The following RBMS3 variants were observed in gnomAD, a reference collection of about 807,000 sequenced individuals.
RBMS3 encodes the protein RNA-binding motif, single-stranded-interacting protein 3.
In RBMS3, 27 loss-of-function variants were observed where a neutral mutation model predicts 66.8. The observed-to-expected ratio is 0.40, with a 90% CI of 0.30 to 0.56. RBMS3 has a LOEUF of 0.56. RBMS3 is among the 20% of genes least tolerant of loss of function. RBMS3 has a pLI of 0.40. For synonymous variants in RBMS3, 188 were observed against 183.0 expected (o/e 1.03, Z -0.22); for missense variants, 513 against 549.5 (o/e 0.93, Z 0.66).
chr3:29,962,560 A>G (rs1696548249), intron 12 of RBMS3, among the ~76,000 whole-genome samples: 2 of 150,332 alleles, frequency 1.3e-5, no homozygotes, highest in South Asian at 4.2e-4. Context: ...TCATATATAT[A>G]TATATATAAT....
At chr3:29,594,691 T>C (rs1259833145) in intron 4 of RBMS3, among the ~76,000 whole-genome samples, 1 of 152,238 alleles carries the variant, frequency 6.6e-6, no homozygotes, top group Non-Finnish European at 1.5e-5. Flanking sequence ...TTTGTGAATA[T>C]CTGCTTTGTT....
intron 1 of RBMS3, among the ~76,000 whole-genome samples, chr3:29,306,075 T>G (rs1235087856): frequency 3.3e-5 from 5 of 151,962 alleles, no homozygotes; most frequent in Non-Finnish European, 5.9e-5. Context: ...ATCTTTTCTT[T>G]TAGACCTTTA....
intron 3 of RBMS3, among the ~76,000 whole-genome samples, chr3:29,539,960 TATC>T (rs1477256484): frequency 6.6e-6 from 1 of 152,224 alleles, no homozygotes; most frequent in Non-Finnish European, 1.5e-5. Flanking sequence ...TAGCAATACT[TATC>T]ATTCAAACAC....
chr3:29,357,123 T>C (rs2037269155), intron 1 of RBMS3, among the ~76,000 whole-genome samples: 1 of 152,156 alleles, frequency 6.6e-6, no homozygotes, highest in Non-Finnish European at 1.5e-5. Flanking sequence ...TATGTATACA[T>C]GTGACATGTT....
intron 6 of RBMS3, among the ~76,000 whole-genome samples, chr3:29,842,025 C>G (rs1042873005): frequency 6.6e-6 from 1 of 152,082 alleles, no homozygotes; most frequent in African/African-American, 2.4e-5. Flanking sequence ...AAGATCTCCA[C>G]AAGGAGAAAA....
chr3:29,453,563 G>A (rs1356732641), intron 2 of RBMS3, among the ~76,000 whole-genome samples: 1 of 152,204 alleles, frequency 6.6e-6, no homozygotes, highest in Non-Finnish European at 1.5e-5. Context: ...CTCTGGGTTT[G>A]TTCTCTTCCA....
At chr3:29,821,203 A>AT (rs1172485474) in intron 6 of RBMS3, among the ~76,000 whole-genome samples, 1 of 152,004 alleles carries the variant, frequency 6.6e-6, no homozygotes, top group East Asian at 1.9e-4. Context: ...ATACAATTTG[A>AT]TTTTTCTTTT....
chr3:29,579,596 T>C (rs1438881443), intron 3 of RBMS3, among the ~76,000 whole-genome samples: 1 of 152,200 alleles, frequency 6.6e-6, no homozygotes. Flanking sequence ...CTTGTTGGAA[T>C]TGTTTTATTA....
In RBMS3 at chr3:29,531,218, C is replaced by T. The variant is rs115294055; in HGVS notation, c.307+42719C>T. Among the ~76,000 whole-genome samples, 1,380 of 152,314 alleles carry T rather than the reference C, an allele frequency of 9.1e-3. 16 individuals carry two copies. The highest frequency in any genetic ancestry group is 0.032 in the African/African-American group (1,311 of 41,562). On this transcript the variant is annotated intron_variant, in intron 3 of 14. Coordinates refer to ENST00000383767, the MANE Select transcript of RBMS3 (RefSeq NM_001003793.3). Reference sequence around the variant, plus strand: ...CTACAAAACAGGAGCATCAGCATCACCTGGGGGCTTGCCAGACAGGCAGAC... The same window carrying T: ...CTACAAAACAGGAGCATCAGCATCATCTGGGGGCTTGCCAGACAGGCAGAC...
chr3:29,429,378 C>T (rs2041092365), intron 1 of RBMS3, among the ~76,000 whole-genome samples: 1 of 152,144 alleles, frequency 6.6e-6, no homozygotes, highest in South Asian at 2.1e-4. Flanking sequence ...GGCACTGATC[C>T]TCTGAGATAG....
intron 3 of RBMS3, among the ~76,000 whole-genome samples, chr3:29,560,812 T>C (rs1345066898): frequency 6.6e-6 from 1 of 152,218 alleles, no homozygotes. Context: ...CATGGGGGTG[T>C]GTTGTACAAA....
chr3:29,453,915 T>C (rs193087364), intron 2 of RBMS3, among the ~76,000 whole-genome samples: 1 of 152,234 alleles, frequency 6.6e-6, no homozygotes, highest in East Asian at 1.9e-4. Flanking sequence ...TGAGCAAACT[T>C]GTCAGAGGAA....
chr3:29,362,822 C>T (rs77844188), intron 1 of RBMS3, among the ~76,000 whole-genome samples: 1,553 of 152,268 alleles, frequency 0.01, 31 homozygotes, highest in African/African-American at 0.035. Flanking sequence ...ACGCTGACGT[C>T]GAATCTATTC....
intron 1 of RBMS3, among the ~76,000 whole-genome samples, chr3:29,425,272 G>T (rs1273819691): frequency 6.6e-6 from 1 of 150,726 alleles, no homozygotes; most frequent in Non-Finnish European, 1.5e-5. Flanking sequence ...TAGTTGGGAG[G>T]CTGAGTCAGG....
At chr3:29,559,551 A>AAAC in intron 3 of RBMS3, among the ~76,000 whole-genome samples, 1 of 143,640 alleles carries the variant, frequency 7.0e-6, no homozygotes, top group African/African-American at 2.6e-5. Flanking sequence ...AAAAAAAAAA[A>AAAC]AACCTGACTA....
At chr3:29,328,809 T>C (rs2035488179) in intron 1 of RBMS3, among the ~76,000 whole-genome samples, 1 of 152,106 alleles carries the variant, frequency 6.6e-6, no homozygotes, top group Non-Finnish European at 1.5e-5. Context: ...TTATTAGTCT[T>C]CCTTCCCTAT....
intron 6 of RBMS3, among the ~76,000 whole-genome samples, chr3:29,819,166 G>A (rs2058005257): frequency 6.6e-6 from 1 of 152,212 alleles, no homozygotes; most frequent in African/African-American, 2.4e-5. Context: ...CTACTCTCCT[G>A]AAGTAGTGTG....
rs958806206 is a variant in RBMS3, at chr3:29,997,095, G to A, written c.1307+5886G>A. ...AAATGATAAAGGGGATATCACCACC[G>A]ATCCCACAGAAATACAAACTACCAT... On this transcript the variant is annotated intron_variant, in intron 14 of 14. Transcript: ENST00000383767. 5.4e-3 allele frequency among the ~76,000 whole-genome samples: 821 copies of A among 151,448 alleles called. 5 individuals carry two copies. The highest frequency in any genetic ancestry group is 0.019 in the African/African-American group (775 of 41,210).
chr3:29,697,143 G>A, intron 4 of RBMS3: 1 of 976,564 alleles, frequency 1.0e-6, no homozygotes, highest in Non-Finnish European at 1.2e-6. Context: ...TTCTTATACA[G>A]TAATATGGAT....
Sources: allele counts gnomAD v4.1 joint callset (sites outside exome capture counted in the v4.1 genomes callset), GRCh38; gene constraint gnomAD v4.1.1; transcripts MANE v1.5; gene names NCBI Gene and HGNC (gene_info 2026-07-23, HGNC 2026-07-21).